STRN: variants seen among roughly 807,000 people sequenced by gnomAD.
STRN encodes the protein striatin.
STRN carries 53 observed loss-of-function variants against 96.3 expected under a neutral mutation model. The ratio of observed to expected loss-of-function variants is 0.55; its 90% CI spans 0.44 to 0.69. The LOEUF is 0.69. Ranked by LOEUF, STRN falls within the 30% of genes least tolerant of loss-of-function variation. The probability of loss-of-function intolerance (pLI) is 0.00; values close to 1 mark genes in which losing one functional copy is unlikely to be tolerated. For missense variants in STRN, 987 were observed against 963.9 expected (o/e 1.02, Z -0.32); for synonymous variants, 428 against 355.9 (o/e 1.20, Z -2.28).
At chr2:36,914,321 C>T (rs1670036605) in intron 3 of STRN, among the ~76,000 whole-genome samples, 1 of 152,184 alleles carries the variant, frequency 6.6e-6, no homozygotes, top group Non-Finnish European at 1.5e-5. Context: ...AAATATATTG[C>T]ATCTAGGCTT....
At chr2:36,915,000 A>G (rs1238892222) in intron 3 of STRN, among the ~76,000 whole-genome samples, 2 of 151,724 alleles carry the variant, frequency 1.3e-5, no homozygotes, top group Admixed American at 1.3e-4. Flanking sequence ...GATCGAGACC[A>G]TCCTGGCTAA....
intron 3 of STRN, among the ~76,000 whole-genome samples, chr2:36,915,615 C>T (rs936759956): frequency 5.9e-5 from 9 of 152,132 alleles, no homozygotes; most frequent in African/African-American, 2.2e-4. Flanking sequence ...ACAAGAAAGA[C>T]CAAAACAGTT....
chr2:36,867,309 A>G (rs1255520508), intron 12 of STRN: 1 of 152,244 alleles, frequency 6.6e-6, no homozygotes, highest in Non-Finnish European at 1.5e-5. Flanking sequence ...CCAACAGTGT[A>G]AAACCTTGTC....
intron 1 of STRN, 140 bp downstream of exon 1, chr2:36,966,090 G>T (rs1665151908): frequency 6.1e-6 from 6 of 977,000 alleles, no homozygotes; most frequent in South Asian, 2.0e-5. Flanking sequence ...GAGAAGAAGG[G>T]GACGGGGCTC....
chr2:36,881,572 A>G (rs1288914571), intron 9 of STRN, among the ~76,000 whole-genome samples: 3 of 152,196 alleles, frequency 2.0e-5, no homozygotes, highest in African/African-American at 4.8e-5. Flanking sequence ...TATCTCTTAA[A>G]TGTTTTTTCT....
intron 13 of STRN, among the ~76,000 whole-genome samples, chr2:36,858,322 C>T (rs940289174): frequency 2.0e-5 from 3 of 152,090 alleles, no homozygotes; most frequent in Admixed American, 6.6e-5. Flanking sequence ...TTTTAAAGCA[C>T]GTTGATACGA....
At chr2:36,894,087 G>A in intron 6 of STRN, 54 bp from the exon 7 acceptor site, 1 of 1,556,300 alleles carries the variant, frequency 6.4e-7, no homozygotes, top group Non-Finnish European at 8.7e-7. Context: ...CTTTACCACT[G>A]AATAAGAAAA....
In STRN at chr2:36,905,580, T is replaced by G; in HGVS notation, c.451A>C (p.Ser151Arg). ...NETEVQPQQN[S>R]QLMWKQGRQL... ...CGACCTTGTTTCCACATTAACTGGC[T>G]GTTTTGTTGTGGCTGCACTTCTGTT... Residue 151 changes from serine (S) to arginine (R), a missense_variant, in exon 4 of 18, where the codon AGC becomes CGC. Ser to Arg is a moderately radical substitution (Grantham distance 110, BLOSUM62 -1). Coordinates refer to ENST00000263918, the MANE Select transcript of STRN (RefSeq NM_003162.4). 1 of 1,613,492 alleles carries G rather than the reference T, an allele frequency of 6.2e-7. No individual in the cohort carries two copies. Among genetic ancestry groups the G allele is most frequent in the South Asian group, 1.1e-5 (1 of 91,054 alleles).
At position 36,849,522 on chromosome 2, in the gene STRN, A is replaced by T. The variant is rs772042616; in HGVS notation, c.2277T>A (p.Ala759=). 6.2e-7 allele frequency: 1 copy of T among 1,614,178 alleles called. No homozygotes were observed. The highest frequency in any genetic ancestry group is 8.5e-7 in the Non-Finnish European group (1 of 1,180,012). Residue 759 remains alanine, a synonymous_variant, in exon 18 of 18, where the codon GCT becomes GCA. Transcript: ENST00000263918. ...KKFEESIHDV[A]FHPSKCYIAS... is the part of the protein sequence containing the mutation. Reference sequence around the variant, plus strand: ...CTATATAGCATTTGGATGGGTGGAAAGCTACATCATGAATCGATTCTTCAA... The same window carrying T: ...CTATATAGCATTTGGATGGGTGGAATGCTACATCATGAATCGATTCTTCAA...
intron 2 of STRN, among the ~76,000 whole-genome samples, chr2:36,918,278 AG>A (rs1670163301): frequency 6.6e-6 from 1 of 152,168 alleles, no homozygotes; most frequent in South Asian, 2.1e-4. Context: ...AAGTAAACAA[AG>A]TTCTAAATGT....
intron 6 of STRN, among the ~76,000 whole-genome samples, chr2:36,897,358 T>C (rs1369523201): frequency 6.6e-6 from 1 of 151,820 alleles, no homozygotes; most frequent in Non-Finnish European, 1.5e-5. Context: ...ATTAATGTAA[T>C]ATAATGTAAA....
At chr2:36,850,814 T>C (rs1272036796) in intron 16 of STRN, among the ~76,000 whole-genome samples, 186 bp downstream of exon 16, 1 of 152,116 alleles carries the variant, frequency 6.6e-6, no homozygotes, top group African/African-American at 2.4e-5. Flanking sequence ...TGATTCTGTA[T>C]TGTATAATAA....
At chr2:36,935,909 C>T (rs927797838) in intron 1 of STRN, among the ~76,000 whole-genome samples, 1 of 151,706 alleles carries the variant, frequency 6.6e-6, no homozygotes, top group Admixed American at 6.6e-5. Context: ...AGTTTTTTTG[C>T]CTATACAAAG....
intron 1 of STRN, among the ~76,000 whole-genome samples, chr2:36,962,966 A>G (rs1665065282): frequency 6.6e-6 from 1 of 152,242 alleles, no homozygotes; most frequent in South Asian, 2.1e-4. Context: ...TATTATTAGT[A>G]TTCCTTCTCC....
At chr2:36,938,226 G>C (rs1376608258) in intron 1 of STRN, among the ~76,000 whole-genome samples, 1 of 152,066 alleles carries the variant, frequency 6.6e-6, no homozygotes. Flanking sequence ...AGGAGTTCAA[G>C]ATCAGCCTGG....
Position 36,855,335 on chromosome 2 carries a change from A to T in STRN, c.1855T>A (p.Ser619Thr). The stretch of plus-strand genomic sequence containing the variant: ...GGGTCACTGCTCACTAGATCCACAG[A>T]GGCAGGGATTCCCAGTTCTGAAAGA... Reference protein sequence around the residue: ...NDTKELGIPASVDLVSSDPSH... With the variant: ...NDTKELGIPATVDLVSSDPSH... The change falls in exon 15 of 18, where the codon TCT (serine) becomes ACT (threonine). Residue 619 changes from serine (S) to threonine (T), a missense_variant. Physicochemically the swap from Ser to Thr is moderately conservative, Grantham distance 58 (BLOSUM62 1). Coordinates refer to ENST00000263918, the MANE Select transcript of STRN (RefSeq NM_003162.4). 1 of 1,613,526 alleles carries T rather than the reference A, an allele frequency of 6.2e-7. No homozygotes were observed.
intron 7 of STRN, 88 bp downstream of exon 7, chr2:36,893,810 A>G (rs113225090): frequency 9.6e-6 from 14 of 1,462,476 alleles, no homozygotes; most frequent in Middle Eastern, 1.8e-4. Context: ...ATATTTCAAC[A>G]TTATAGTTAA....
intron 7 of STRN, among the ~76,000 whole-genome samples, chr2:36,890,083 G>C (rs1205594803): frequency 6.6e-6 from 1 of 152,220 alleles, no homozygotes; most frequent in Non-Finnish European, 1.5e-5. Flanking sequence ...TATCTATGCA[G>C]ATGTGTGATT....
chr2:36,922,473 T>C (rs1432046673), intron 2 of STRN, among the ~76,000 whole-genome samples: 1 of 146,676 alleles, frequency 6.8e-6, no homozygotes, highest in African/African-American at 2.5e-5. Flanking sequence ...GAATCATGAC[T>C]GTGCCACTGC....
Sources: gnomAD v4.1 joint callset for allele counts (sites outside exome capture counted in the v4.1 genomes callset) on GRCh38, gnomAD v4.1.1 for gene constraint, MANE v1.5 for transcripts, NCBI Gene and HGNC (gene_info 2026-07-23, HGNC 2026-07-21) for gene names.